Variants in ADAM10 observed in about 807,000 individuals in gnomAD.
ADAM10 encodes ADAM metallopeptidase domain 10.
A neutral mutation model predicts 90.1 loss-of-function variants in ADAM10; 17 were observed. That is an observed-to-expected ratio of 0.19 (90% CI 0.13 to 0.28). The LOEUF is 0.28. Among genes scored for constraint, ADAM10 ranks in the 10% least tolerant of loss-of-function variants. The pLI, the probability that ADAM10 is intolerant of heterozygous loss-of-function variation, is 1.00. For synonymous variants in ADAM10, 310 were observed against 298.6 expected, an observed-to-expected ratio of 1.04 and a Z score of -0.40; for missense variants, 610 against 914.3, an observed-to-expected ratio of 0.67 and a Z score of 4.29.
intron 1 of ADAM10, 83 bp downstream of exon 1, chr15:58,749,397 G>C: frequency 7.7e-7 from 1 of 1,302,244 alleles, no homozygotes; most frequent in Non-Finnish European, 9.8e-7. Context: ...CGCGCACGCC[G>C]CGAGGCGCGA....
chr15:58,684,963 G>A (rs1596065488), intron 2 of ADAM10, among the ~76,000 whole-genome samples: 1 of 152,084 alleles, frequency 6.6e-6, no homozygotes, highest in East Asian at 1.9e-4. Flanking sequence ...GCTGGTGTTG[G>A]AAAATAGCCC....
rs762793448 is a variant in ADAM10 at position 58,717,668 on chromosome 15, C to T, written c.115G>A (p.Val39Met). The T allele has an allele frequency of 1.9e-6, 3 of 1,613,588 alleles. No homozygotes were observed. The highest frequency in any genetic ancestry group is 2.5e-6 in the Non-Finnish European group (3 of 1,179,880). ...TGGTGTTTTTGGTGTAATGAATCCACATTGTAAGATAATCCTTCATAATGT... is the reference window on the plus strand; with the variant it reads ...TGGTGTTTTTGGTGTAATGAATCCATATTGTAAGATAATCCTTCATAATGT... Reference protein sequence around the residue: ...IRHYEGLSYNVDSLHQKHQRA... With the variant: ...IRHYEGLSYNMDSLHQKHQRA... Residue 39 changes from valine (V) to methionine (M), a missense_variant, in exon 2 of 16, where the codon GTG becomes ATG. This residue lies in a region of ADAM10 where 310 missense variants were observed against 362.4 expected (regional missense o/e 0.86). Coordinates refer to ENST00000260408, the MANE Select transcript of ADAM10 (RefSeq NM_001110.4).
intron 7 of ADAM10, 106 bp from the exon 8 acceptor site, chr15:58,641,066 GA>G: frequency 9.0e-7 from 1 of 1,108,744 alleles, no homozygotes; most frequent in Non-Finnish European, 1.3e-6. Context: ...TGCTCCCATG[GA>G]AATCAGGCCT....
At chr15:58,687,323 T>C (rs1226709480) in intron 2 of ADAM10, among the ~76,000 whole-genome samples, 3 of 152,246 alleles carry the variant, frequency 2.0e-5, no homozygotes, top group African/African-American at 7.2e-5. Flanking sequence ...TCCTCTACTT[T>C]GTAGCTGTGG....
At chr15:58,643,053 T>C (rs546086346) in intron 7 of ADAM10, among the ~76,000 whole-genome samples, 4 of 152,238 alleles carry the variant, frequency 2.6e-5, no homozygotes, top group Non-Finnish European at 4.4e-5. Context: ...GCAAATACTT[T>C]TGTGAAAGGA....
intron 7 of ADAM10, 31 bp from the exon 8 acceptor site, chr15:58,640,991 A>G: frequency 6.3e-7 from 1 of 1,589,092 alleles, no homozygotes; most frequent in Non-Finnish European, 8.6e-7. Context: ...TTAGTAAGTA[A>G]TTAATGTTAG....
chr15:58,725,586 A>G (rs1899003255), intron 1 of ADAM10, among the ~76,000 whole-genome samples: 2 of 151,730 alleles, frequency 1.3e-5, no homozygotes, highest in Admixed American at 1.3e-4. Context: ...AAAACCACAT[A>G]AAGGCATGTC....
In ADAM10 at chr15:58,682,231, T is replaced by C; in HGVS notation, c.290A>G (p.Tyr97Cys). 6.2e-7 allele frequency: 1 copy of C among 1,613,082 alleles called. No individual in the cohort carries two copies. Among genetic ancestry groups the C allele is most frequent in the Non-Finnish European group, 8.5e-7 (1 of 1,179,500 alleles). ...TCCAGTGTAAATATGAGAGGTATCA[T>C]AATCAAGTACTTTATTTGATGTTTC... ...KVETSNKVLD[Y>C]DTSHIYTGHI... The change falls in exon 3 of 16, where the codon TAT becomes TGT. Residue 97 changes from tyrosine (Y) to cysteine (C), a missense_variant. Coordinates refer to ENST00000260408, the MANE Select transcript of ADAM10 (RefSeq NM_001110.4).
intron 7 of ADAM10, among the ~76,000 whole-genome samples, chr15:58,643,654 A>G (rs1433625669): frequency 6.6e-6 from 1 of 152,200 alleles, no homozygotes; most frequent in Non-Finnish European, 1.5e-5. Flanking sequence ...CTTTACCTCT[A>G]CTGTAGACTG....
At chr15:58,655,117 T>C (rs1298179902) in intron 5 of ADAM10, 2 of 152,258 alleles carry the variant, frequency 1.3e-5, no homozygotes, top group African/African-American at 2.4e-5. Context: ...TATTACTGTA[T>C]TGAAGTCTAT....
chr15:58,720,404 ATTTTTTTTTT>A (rs879811536), intron 1 of ADAM10, among the ~76,000 whole-genome samples: 2 of 45,254 alleles, frequency 4.4e-5, no homozygotes, highest in African/African-American at 1.0e-4. Flanking sequence ...ATTTTATTTT[ATTTTTTTTTT>A]TTTTGAGACA....
At chr15:58,609,611 T>C (rs913173744) in intron 14 of ADAM10, 6 of 154,108 alleles carry the variant, frequency 3.9e-5, no homozygotes, top group African/African-American at 1.4e-4. Flanking sequence ...TTCAGTTCAA[T>C]TATAGCACAT....
At chr15:58,747,735 T>C (rs531882000) in intron 1 of ADAM10, 3 of 152,332 alleles carry the variant, frequency 2.0e-5, no homozygotes, top group African/African-American at 7.2e-5. Context: ...TAAAGGACTC[T>C]GGAAATATGA....
In ADAM10 at chr15:58,597,181, A is replaced by C; in HGVS notation, c.*366T>G. 5.3e-6 allele frequency: 3 copies of C among 568,886 alleles called. No homozygotes were observed. In the South Asian group the frequency reaches 6.5e-5, roughly 12 times the overall value. 35.2% of individuals were successfully genotyped at this position (568,886 alleles called of 1,614,324 possible). A position where few individuals can be genotyped will look rare whatever the true frequency, so the allele number is the denominator to read the frequency against. ...GCCTTGATTGGCAGTTGAAAAAAAT[A>C]TATTTATTTCAATTTGTGGTAAAAG... On this transcript the variant is annotated 3_prime_UTR_variant, in exon 16 of 16. Transcript: ENST00000260408.
chr15:58,743,626 C>T (rs972736584), intron 1 of ADAM10, among the ~76,000 whole-genome samples: 30 of 146,942 alleles, frequency 2.0e-4, no homozygotes, highest in Admixed American at 1.8e-3. Context: ...TTTTTTGAGA[C>T]GGAGTTTCAC....
chr15:58,658,851 T>C (rs1896898452), intron 5 of ADAM10, among the ~76,000 whole-genome samples: 1 of 152,244 alleles, frequency 6.6e-6, no homozygotes, highest in Non-Finnish European at 1.5e-5. Context: ...GCTTATTGAT[T>C]CTAGTAACTT....
Position 58,597,241 on chromosome 15 carries a change from A to C in ADAM10, c.*306T>G. The C allele has an allele frequency of 2.4e-6, 2 of 844,598 alleles. No individual in the cohort carries two copies. The highest frequency in any genetic ancestry group is 3.6e-6 in the Non-Finnish European group (2 of 562,902). 52.3% of individuals were successfully genotyped at this position (844,598 alleles called of 1,614,324 possible). ...AGCCAAGTTTGCCTGCAAGTGAAGA[A>C]AATGCAGCAACGAAGAACAGGGAAC... is the stretch of plus-strand genomic sequence containing the variant. On this transcript the variant is annotated 3_prime_UTR_variant, in exon 16 of 16. Coordinates refer to ENST00000260408, the MANE Select transcript of ADAM10 (RefSeq NM_001110.4).
chr15:58,610,635 G>A (rs912743863), intron 13 of ADAM10, 118 bp from the exon 14 acceptor site: 2 of 964,726 alleles, frequency 2.1e-6, no homozygotes, highest in Admixed American at 4.0e-5. Flanking sequence ...ACCATAACAT[G>A]TTATACAGAC....
chr15:58,634,490 A>G (rs1448696859), intron 8 of ADAM10, among the ~76,000 whole-genome samples: 6 of 152,202 alleles, frequency 3.9e-5, no homozygotes, highest in Non-Finnish European at 8.8e-5. Context: ...TCATCTATTC[A>G]TTAACAGGGA....
Sources: gnomAD v4.1 joint callset for allele counts (sites outside exome capture counted in the v4.1 genomes callset) on GRCh38, gnomAD v4.1.1 for gene constraint, gnomAD v4.1.1 regional missense constraint, MANE v1.5 for transcripts, NCBI Gene and HGNC (gene_info 2026-07-23, HGNC 2026-07-21) for gene names.